The following GLYATL2 variants were observed in gnomAD, a reference collection of about 807,000 sequenced individuals.
GLYATL2 encodes the protein glycine N-acyltransferase-like protein 2.
A neutral mutation model predicts 21.4 loss-of-function variants in GLYATL2; 25 were observed. The observed-to-expected ratio is 1.17, with a 90% CI of 0.85 to 1.63. GLYATL2 has a LOEUF of 1.63. Among genes scored for constraint, GLYATL2 ranks in the 40% most tolerant of loss-of-function variants. The pLI is 0.00. For missense variants in GLYATL2, 361 were observed against 343.3 expected (o/e 1.05, Z -0.41); for synonymous variants, 114 against 118.2 (o/e 0.96, Z 0.23).
chr11:58,872,966 A>T (rs1291030328), intron 1 of GLYATL2, among the ~76,000 whole-genome samples: 1 of 152,128 alleles, frequency 6.6e-6, no homozygotes, highest in Non-Finnish European at 1.5e-5. Context: ...TTCCTTGAGC[A>T]GTGGTTTGTA....
upstream of GLYATL2, among the ~76,000 whole-genome samples, chr11:58,845,047 G>C (rs1395385031): frequency 6.6e-6 from 1 of 152,110 alleles, no homozygotes; most frequent in Non-Finnish European, 1.5e-5. Context: ...TCAATTACTG[G>C]AGAAAAGTTT....
intron 1 of GLYATL2, among the ~76,000 whole-genome samples, chr11:58,870,143 C>A (rs1854092538): frequency 6.6e-6 from 1 of 151,974 alleles, no homozygotes; most frequent in South Asian, 2.1e-4. Flanking sequence ...CAATGGGGCA[C>A]AGGAGCATTG....
At chr11:58,885,309 A>T (rs934619601) in intron 1 of GLYATL2, 2 of 254,444 alleles carry the variant, frequency 7.9e-6, no homozygotes, top group Middle Eastern at 1.5e-3. Context: ...GATGCTGCTC[A>T]TCTCACCATT....
At chr11:58,895,692 TA>T (rs1331291068) in intron 1 of GLYATL2, among the ~76,000 whole-genome samples, 4 of 152,120 alleles carry the variant, frequency 2.6e-5, no homozygotes, top group Non-Finnish European at 4.4e-5. Context: ...TTTCTTTTAA[TA>T]AAAAACCAGC....
intron 1 of GLYATL2, among the ~76,000 whole-genome samples, chr11:58,887,740 C>A (rs192753500): frequency 2.0e-5 from 3 of 152,286 alleles, no homozygotes; most frequent in African/African-American, 7.2e-5. Flanking sequence ...CAGTCATTCT[C>A]TTGCTGTTGG....
Position 58,877,970 on chromosome 11 carries a change from T to C in GLYATL2, n.60+26186A>G, listed in dbSNP as rs1285520377. 2.6e-5 allele frequency among the ~76,000 whole-genome samples: 4 copies of C among 152,340 alleles called. No homozygotes were observed. In the East Asian group the frequency reaches 7.7e-4, roughly 29 times the overall value. ...GTGCACCTGTAACTATACTTGAATG[T>C]TGGCCAATCCCAGCAGCCATACTTC... On this transcript the variant is annotated intron_variant and non_coding_transcript_variant, in intron 1 of 4. Transcript: ENST00000533636.
intron 1 of GLYATL2, among the ~76,000 whole-genome samples, chr11:58,900,733 A>G (rs768525584): frequency 3.3e-5 from 5 of 152,158 alleles, no homozygotes; most frequent in Non-Finnish European, 5.9e-5. Context: ...ATGTCCCAGC[A>G]TCTCCCACGC....
At chr11:58,904,759 G>A (rs1337322555), upstream of GLYATL2, among the ~76,000 whole-genome samples, 4 of 152,272 alleles carry the variant, frequency 2.6e-5, no homozygotes, top group East Asian at 5.8e-4. Flanking sequence ...GATTTCAGGA[G>A]TCTCTGTGTA....
chr11:58,889,733 CT>C (rs1303569208), intron 1 of GLYATL2, among the ~76,000 whole-genome samples: 1 of 151,992 alleles, frequency 6.6e-6, no homozygotes, highest in Non-Finnish European at 1.5e-5. Flanking sequence ...TGTTCACATC[CT>C]TTTGATATAC....
chr11:58,860,250 G>A (rs566716487), intron 1 of GLYATL2, among the ~76,000 whole-genome samples: 75 of 152,068 alleles, frequency 4.9e-4, no homozygotes, highest in Middle Eastern at 3.4e-3. Flanking sequence ...CTGTAAATAA[G>A]GAATATTTTT....
intron 1 of GLYATL2, among the ~76,000 whole-genome samples, chr11:58,903,217 G>A (rs747994289): frequency 1.3e-5 from 2 of 152,132 alleles, no homozygotes; most frequent in Non-Finnish European, 2.9e-5. Flanking sequence ...GTGCTGCTTG[G>A]AGTACCATTA....
At chr11:58,886,180 G>A (rs1455747724) in intron 1 of GLYATL2, among the ~76,000 whole-genome samples, 1 of 152,122 alleles carries the variant, frequency 6.6e-6, no homozygotes, top group Non-Finnish European at 1.5e-5. Flanking sequence ...TCACACCACT[G>A]TACTGAAGCC....
At chr11:58,895,645 G>A (rs1854621852) in intron 1 of GLYATL2, among the ~76,000 whole-genome samples, 2 of 152,154 alleles carry the variant, frequency 1.3e-5, no homozygotes, top group South Asian at 4.2e-4. Context: ...AAATCATTTA[G>A]GCAGTTAATG....
At chr11:58,873,497 G>T (rs1253998734) in intron 1 of GLYATL2, among the ~76,000 whole-genome samples, 8 of 152,202 alleles carry the variant, frequency 5.3e-5, no homozygotes, top group Admixed American at 1.3e-4. Flanking sequence ...TAGCATGAAG[G>T]GCTGTTGAAT....
intron 1 of GLYATL2, among the ~76,000 whole-genome samples, chr11:58,896,142 AC>A (rs1330461685): frequency 6.6e-6 from 1 of 152,120 alleles, no homozygotes; most frequent in Non-Finnish European, 1.5e-5. Context: ...GGCATGAGCT[AC>A]CGCACCTGGC....
At chr11:58,851,932 A>G (rs1222142452) in intron 1 of GLYATL2, among the ~76,000 whole-genome samples, 1 of 152,188 alleles carries the variant, frequency 6.6e-6, no homozygotes, top group East Asian at 1.9e-4. Flanking sequence ...CATAGATTTG[A>G]GATAATTCAA....
At chr11:58,883,673 T>C (rs532062314) in intron 1 of GLYATL2, among the ~76,000 whole-genome samples, 7 of 152,234 alleles carry the variant, frequency 4.6e-5, no homozygotes, top group Admixed American at 1.3e-4. Context: ...TCTGAAACTA[T>C]TCCAATCAAT....
chr11:58,854,797 C>T (rs1853800944), intron 1 of GLYATL2, among the ~76,000 whole-genome samples: 1 of 152,198 alleles, frequency 6.6e-6, no homozygotes. Context: ...ATTTACATAA[C>T]ATTAGAAATC....
chr11:58,877,844 T>A (rs560421590), intron 1 of GLYATL2, among the ~76,000 whole-genome samples: 2 of 152,332 alleles, frequency 1.3e-5, no homozygotes, highest in South Asian at 4.1e-4. Context: ...GCAAACTAAA[T>A]ACAGTCTGAG....
Sources: allele counts gnomAD v4.1 joint callset (sites outside exome capture counted in the v4.1 genomes callset), GRCh38; gene constraint gnomAD v4.1.1; transcripts MANE v1.5; gene names NCBI Gene and HGNC (gene_info 2026-07-23, HGNC 2026-07-21).